The following USP10 variants were observed in gnomAD, a reference collection of about 807,000 sequenced individuals.
USP10 encodes the protein ubiquitin specific peptidase 10.
USP10 carries 22 observed loss-of-function variants against 84.5 expected under a neutral mutation model. The observed-to-expected ratio is 0.26, with a 90% CI of 0.19 to 0.37. The LOEUF is 0.37. Ranked by LOEUF, USP10 falls within the 10% of genes least tolerant of loss-of-function variation. USP10 has a pLI of 1.00. For synonymous variants in USP10, 454 were observed against 387.6 expected, an observed-to-expected ratio of 1.17 and a Z score of -2.01; for missense variants, 1,019 against 998.9, an observed-to-expected ratio of 1.02 and a Z score of -0.27.
At chr16:84,754,989 G>GA (rs35408254) in intron 4 of USP10, among the ~76,000 whole-genome samples, 20,989 of 145,794 alleles carry the variant, frequency 0.14, 1,606 homozygotes, top group East Asian at 0.28. Flanking sequence ...CTTTGTCCCA[G>GA]AAAAAAAAAA....
At chr16:84,778,483 ACAT>A (rs1915249697) in intron 13 of USP10, among the ~76,000 whole-genome samples, 1 of 152,208 alleles carries the variant, frequency 6.6e-6, no homozygotes, top group Non-Finnish European at 1.5e-5. Context: ...GTTATAAATG[ACAT>A]CATAATCTCT....
intron 1 of USP10, among the ~76,000 whole-genome samples, chr16:84,725,513 G>A (rs572472911): frequency 2.0e-5 from 3 of 152,242 alleles, no homozygotes; most frequent in African/African-American, 7.2e-5. Flanking sequence ...CAATTCTCCT[G>A]CCTCAGCCTC....
At chr16:84,769,016 T>C (rs1914152579) in intron 11 of USP10, among the ~76,000 whole-genome samples, 2 of 152,204 alleles carry the variant, frequency 1.3e-5, no homozygotes, top group African/African-American at 4.8e-5. Context: ...TGCCAGCTTA[T>C]AGCTATTTTG....
intron 1 of USP10, among the ~76,000 whole-genome samples, chr16:84,720,968 A>G (rs900624223): frequency 1.4e-5 from 2 of 145,514 alleles, no homozygotes; most frequent in South Asian, 4.4e-4. Flanking sequence ...ATCTCAGCTC[A>G]CGGCAACCTC....
At chr16:84,768,480 AT>A in intron 11 of USP10, 122 bp downstream of exon 11, 1 of 954,038 alleles carries the variant, frequency 1.0e-6, no homozygotes, top group Non-Finnish European at 1.4e-6. Flanking sequence ...TTGCTTAACC[AT>A]TTTGTACTGA....
intron 12 of USP10, among the ~76,000 whole-genome samples, chr16:84,774,677 A>G (rs1387177893): frequency 6.6e-6 from 1 of 152,032 alleles, no homozygotes; most frequent in Non-Finnish European, 1.5e-5. Flanking sequence ...TCACTGTATT[A>G]GCCAGGATGG....
At chr16:84,738,731 C>T (rs1910247817) in intron 2 of USP10, among the ~76,000 whole-genome samples, 1 of 152,194 alleles carries the variant, frequency 6.6e-6, no homozygotes, top group Non-Finnish European at 1.5e-5. Flanking sequence ...CTGTGTTTTC[C>T]TGTTTGTCAT....
At chr16:84,735,418 C>T (rs41386649) in intron 2 of USP10, among the ~76,000 whole-genome samples, 15,160 of 152,092 alleles carry the variant, frequency 0.1, 1,236 homozygotes, top group South Asian at 0.29. Flanking sequence ...AAAAGTGCAC[C>T]GTATTTCAAG....
rs1210991291 is a variant in USP10, at chr16:84,725,496, G to T, written c.22-7939G>T. ...GCTCACTGCAACCTCTGCCTGCTGG[G>T]TTCAAGCAATTCTCCTGCCTCAGCC... On this transcript the variant is annotated intron_variant, in intron 1 of 13. Coordinates refer to ENST00000219473, the MANE Select transcript of USP10 (RefSeq NM_005153.3). 2.6e-5 allele frequency among the ~76,000 whole-genome samples: 4 copies of T among 152,248 alleles called. No individual in the cohort carries two copies. In the East Asian group the frequency reaches 5.8e-4, roughly 22 times the overall value.
chr16:84,722,489 G>A (rs531307861), intron 1 of USP10, among the ~76,000 whole-genome samples: 50 of 152,300 alleles, frequency 3.3e-4, no homozygotes, highest in African/African-American at 1.1e-3. Context: ...TTTTCAAAGC[G>A]GCCATGCCGT....
chr16:84,741,391 C>G (rs568903081), intron 3 of USP10, among the ~76,000 whole-genome samples: 2 of 152,364 alleles, frequency 1.3e-5, no homozygotes, highest in African/African-American at 4.8e-5. Flanking sequence ...TGATGTCAAC[C>G]TCTCAGACAT....
chr16:84,715,072 GCATGCACCAC>G (rs1224926357), intron 1 of USP10, among the ~76,000 whole-genome samples: 1 of 151,948 alleles, frequency 6.6e-6, no homozygotes, highest in Non-Finnish European at 1.5e-5. Flanking sequence ...GGGACTACAG[GCATGCACCAC>G]CATGCCTAGC....
chr16:84,744,528 A>T, intron 3 of USP10, 105 bp from the exon 4 acceptor site: 2 of 1,047,882 alleles, frequency 1.9e-6, no homozygotes, highest in South Asian at 3.7e-5. Flanking sequence ...TTTGTTGATT[A>T]GGAAGAGAAC....
intron 4 of USP10, among the ~76,000 whole-genome samples, chr16:84,756,812 A>G (rs918165588): frequency 6.6e-6 from 1 of 152,238 alleles, no homozygotes; most frequent in Non-Finnish European, 1.5e-5. Flanking sequence ...TGTGGCACAC[A>G]CTAGAAATGA....
At chr16:84,772,452 A>T in intron 11 of USP10, 89 bp from the exon 12 acceptor site, 1 of 1,575,318 alleles carries the variant, frequency 6.3e-7, no homozygotes, top group Non-Finnish European at 8.7e-7. Flanking sequence ...CTCACCTCTC[A>T]GAGGACGTCT....
In USP10 at chr16:84,745,451, G is replaced by T; in HGVS notation, c.970G>T (p.Ala324Ser). ...PTKPESASPP[A>S]DGTGSASGTL... Reference sequence around the variant, plus strand: ...CAAACCCGAGAGTGCATCACCTCCTGCTGACGGCACGGGCTCTGCATCAGG... The same window carrying T: ...CAAACCCGAGAGTGCATCACCTCCTTCTGACGGCACGGGCTCTGCATCAGG... The change falls in exon 4 of 14, where the codon GCT (alanine) becomes TCT (serine). Residue 324 changes from alanine to serine, a missense_variant. By Grantham distance (99) the Ala-to-Ser change is moderately conservative. Coordinates refer to ENST00000219473, the MANE Select transcript of USP10 (RefSeq NM_005153.3). 6.2e-7 allele frequency: 1 copy of T among 1,613,726 alleles called. No individual in the cohort carries two copies. Among genetic ancestry groups the T allele is most frequent in the Non-Finnish European group, 8.5e-7 (1 of 1,179,684 alleles).
intron 10 of USP10, among the ~76,000 whole-genome samples, chr16:84,766,461 G>A (rs1913875357): frequency 1.3e-5 from 2 of 152,252 alleles, no homozygotes; most frequent in East Asian, 1.9e-4. Context: ...GCGCAGCAGC[G>A]AGGGAAGGCT....
intron 1 of USP10, chr16:84,708,780 T>C (rs1905884010): frequency 6.6e-6 from 1 of 152,268 alleles, no homozygotes; most frequent in African/African-American, 2.4e-5. Flanking sequence ...AAGTGTGGTT[T>C]ACTATTTTGT....
At chr16:84,744,421 T>G (rs988740270) in intron 3 of USP10, among the ~76,000 whole-genome samples, 3 of 152,350 alleles carry the variant, frequency 2.0e-5, no homozygotes, top group Admixed American at 6.5e-5. Flanking sequence ...GAAAGATAAG[T>G]ACAGGCTTCT....
Sources: gnomAD v4.1 joint callset for allele counts (sites outside exome capture counted in the v4.1 genomes callset) on GRCh38, gnomAD v4.1.1 for gene constraint, MANE v1.5 for transcripts, NCBI Gene and HGNC (gene_info 2026-07-23, HGNC 2026-07-21) for gene names.